The following HTR3D variants were observed in gnomAD, a reference collection of about 807,000 sequenced individuals.
HTR3D encodes the protein 5-hydroxytryptamine (serotonin) receptor 3 family member D.
A neutral mutation model predicts 45.8 loss-of-function variants in HTR3D; 47 were observed. The observed-to-expected ratio is 1.03, with a 90% confidence interval of 0.81 to 1.31. HTR3D has a LOEUF of 1.31. Ranked by LOEUF, HTR3D falls within the 50% of genes most tolerant of loss-of-function variation. HTR3D has a pLI of 0.00. For synonymous variants in HTR3D, 203 were observed against 199.8 expected, an observed-to-expected ratio of 1.02 and a Z score of -0.13; for missense variants, 448 against 506.9, an observed-to-expected ratio of 0.88 and a Z score of 1.12.
Position 184,036,450 on chromosome 3 carries a change from TG to T in HTR3D, c.276del (p.Trp93GlyfsTer30), listed in dbSNP as rs1722893597. On this transcript the variant is annotated frameshift_variant, in exon 4 of 8. Coordinates refer to ENST00000428798, the MANE Select transcript of HTR3D (RefSeq NM_001145143.1). LOFTEE classifies it high-confidence loss of function. The part of the protein sequence containing the change: ...KATSNTISQC[G>X]WSASANWTPS... Reference sequence around the variant, plus strand: ...CCACATCAAACACAATAAGCCAATGTGGGTGGTCAGCATCTGCAAACTGGAC... The same window carrying T: ...CCACATCAAACACAATAAGCCAATGTGGTGGTCAGCATCTGCAAACTGGAC... 6.2e-7 allele frequency: 1 copy of T among 1,614,224 alleles called. No homozygotes were observed. The highest frequency in any genetic ancestry group is 8.5e-7 in the Non-Finnish European group (1 of 1,180,036).
At position 184,038,044 on chromosome 3, in the gene HTR3D, G is replaced by A. The variant is rs1722959048; in HGVS notation, c.540G>A (p.Arg180=). The change falls in exon 6 of 8, where the codon AGG becomes AGA. Residue 180 remains arginine (R), a synonymous_variant. Coordinates refer to ENST00000428798, the MANE Select transcript of HTR3D (RefSeq NM_001145143.1). This position sits in a 1 kb window ranked among gnomAD's most constrained non-coding sequence, Gnocchi z 4.5. ...AGGTGGCCATCAGGCGCAGGTGCAG[G>A]CCCAGCCCCTACGTGGTAAACTTTC... ...IFHVAIRRRC[R]PSPYVVNFLV... The A allele has an allele frequency of 6.2e-7, 1 of 1,614,118 alleles. No homozygotes were observed. Among genetic ancestry groups the A allele is most frequent in the Admixed American group, 1.7e-5 (1 of 60,012 alleles).
intron 1 of HTR3D, chr3:184,032,880 C>T: frequency 6.4e-7 from 1 of 1,552,024 alleles, no homozygotes; most frequent in Non-Finnish European, 8.7e-7. Context: ...CTCTCTCAGT[C>T]TCTGCTCACT....
At chr3:184,035,317 A>G in intron 2 of HTR3D, 95 bp downstream of exon 2, 1 of 1,019,120 alleles carries the variant, frequency 9.8e-7, no homozygotes, top group Non-Finnish European at 1.5e-6. Context: ...GTTAAAGCTG[A>G]GAATATCCAT....
chr3:184,035,422 G>A (rs1355485351), intron 2 of HTR3D, among the ~76,000 whole-genome samples, 200 bp downstream of exon 2: 1 of 152,220 alleles, frequency 6.6e-6, no homozygotes, highest in African/African-American at 2.4e-5. Context: ...ACAGGGAGAA[G>A]GTGGTATACA....
At position 184,038,434 on chromosome 3, in the gene HTR3D, C is replaced by T. The variant is rs1367373998; in HGVS notation, c.795C>T (p.Ser265=). 2 of 1,614,018 alleles carry T rather than the reference C, an allele frequency of 1.2e-6. No individual in the cohort carries two copies. The highest frequency in any genetic ancestry group is 1.7e-6 in the Non-Finnish European group (2 of 1,180,024). ...KRGVYFALCL[S]LMVGSLLETI... is the part of the protein sequence containing the mutation. ...GTGTCTACTTCGCCCTGTGCCTGTC[C>T]CTGATGGTGGGCAGCCTGCTGGAGA... is the stretch of plus-strand genomic sequence containing the variant. The change falls in exon 7 of 8, where the codon TCC becomes TCT. Residue 265 remains serine, a synonymous_variant. Transcript: ENST00000428798. This position sits in a 1 kb window ranked among gnomAD's most constrained non-coding sequence, Gnocchi z 4.5.
chr3:184,035,908 G>A (rs977441103), intron 2 of HTR3D, 107 bp from the exon 3 acceptor site: 22 of 1,121,416 alleles, frequency 2.0e-5, no homozygotes, highest in Non-Finnish European at 2.4e-5. Flanking sequence ...AGCTAGGCTG[G>A]TCCTGAACTC....
At position 184,031,813 on chromosome 3, in the gene HTR3D, TTAAGA is replaced by T; in HGVS notation, c.66+12_66+16del. 2 of 1,548,650 alleles carry T rather than the reference TTAAGA, an allele frequency of 1.3e-6. No homozygotes were observed. The highest frequency in any genetic ancestry group is 1.7e-6 in the Non-Finnish European group (2 of 1,144,372). On this transcript the variant is annotated splice_region_variant and intron_variant, in intron 1 of 7. Transcript: ENST00000428798. ...TCCTCCACCTGCTGCTGCAAGTACC[TTAAGA>T]TAAGAGCAAGAGCTGAGCAGACATG...
chr3:184,038,289 G>A lies in HTR3D; in HGVS notation c.769+16G>A. ...CAAAAGCGAGGTGTGTGTTGGATGG[G>A]GAGAGGGATGGGCAGAACCAGGCGA... On this transcript the variant is annotated intron_variant, in intron 6 of 7. Transcript: ENST00000428798. This position sits in a 1 kb window ranked among gnomAD's most constrained non-coding sequence, Gnocchi z 4.5. The A allele has an allele frequency of 6.2e-7, 1 of 1,613,318 alleles. No homozygotes were observed. Among genetic ancestry groups the A allele is most frequent in the Non-Finnish European group, 8.5e-7 (1 of 1,179,344 alleles).
intron 1 of HTR3D, among the ~76,000 whole-genome samples, chr3:184,032,067 C>T (rs1433747290): frequency 6.6e-6 from 1 of 150,430 alleles, no homozygotes; most frequent in Non-Finnish European, 1.5e-5. Context: ...ATATCTCAGC[C>T]CATTGCAACC....
At chr3:184,032,812 T>C (rs1722785206) in intron 1 of HTR3D, 4 of 1,524,152 alleles carry the variant, frequency 2.6e-6, no homozygotes, top group Non-Finnish European at 2.7e-6. Context: ...CTTCTCCCAG[T>C]GCCCCCTGTT....
intron 3 of HTR3D, 126 bp downstream of exon 3, chr3:184,036,226 C>A (rs1722883614): frequency 7.4e-6 from 11 of 1,482,508 alleles, no homozygotes; most frequent in African/African-American, 1.4e-5. Flanking sequence ...AGCTTACAAA[C>A]CCCCAGAATA....
At chr3:184,036,927 C>A in intron 5 of HTR3D, 31 bp downstream of exon 5, 1 of 1,545,522 alleles carries the variant, frequency 6.5e-7, no homozygotes. Context: ...AAGGTTTCAC[C>A]ATGTTGGCCA....
At position 184,038,040 on chromosome 3, in the gene HTR3D, G is replaced by A. The variant is rs1444075845; in HGVS notation, c.536G>A (p.Cys179Tyr). ...AIFHVAIRRR[C>Y]RPSPYVVNFL... ...CACCAGGTGGCCATCAGGCGCAGGT[G>A]CAGGCCCAGCCCCTACGTGGTAAAC... is the stretch of plus-strand genomic sequence containing the variant. The change falls in exon 6 of 8, where the codon TGC becomes TAC. Residue 179 changes from cysteine to tyrosine, a missense_variant. Transcript: ENST00000428798. This position sits in a 1 kb window ranked among gnomAD's most constrained non-coding sequence, Gnocchi z 4.5. 1 of 1,614,116 alleles carries A rather than the reference G, an allele frequency of 6.2e-7. No individual in the cohort carries two copies. The highest frequency in any genetic ancestry group is 8.5e-7 in the Non-Finnish European group (1 of 1,180,004).
chr3:184,033,088 T>C, intron 1 of HTR3D: 1 of 1,498,894 alleles, frequency 6.7e-7, no homozygotes, highest in Non-Finnish European at 9.1e-7. Flanking sequence ...ATTGCAGTGG[T>C]CTAGTGGTGA....
Position 184,038,223 on chromosome 3 carries a change from C to A in HTR3D, c.719C>A (p.Ser240Ter), listed in dbSNP as rs1248973372. ...GACTTGCTCCCAGCCACTAGCACTT[C>A]ATCACATGCTTCACTAGTACGTCCT... ...MNDLLPATST[S>*]SHASLVRPHP... is the part of the protein sequence containing the mutation. Residue 240 changes from serine to a stop codon, truncating the protein, a stop_gained, in exon 6 of 8, where the codon TCA (serine) becomes TAA (stop). Coordinates refer to ENST00000428798, the MANE Select transcript of HTR3D (RefSeq NM_001145143.1). LOFTEE classifies it high-confidence loss of function. This position sits in a 1 kb window ranked among gnomAD's most constrained non-coding sequence, Gnocchi z 4.5. 1 of 1,614,084 alleles carries A rather than the reference C, an allele frequency of 6.2e-7. No individual in the cohort carries two copies. Among genetic ancestry groups the A allele is most frequent in the African/African-American group, 1.3e-5 (1 of 74,944 alleles).
chr3:184,038,065 C>T lies in HTR3D; in HGVS notation c.561C>T (p.Asn187=). ...GCAGGCCCAGCCCCTACGTGGTAAA[C>T]TTTCTGGTGCCCAGTGGCATTCTGA... ...RRCRPSPYVV[N]FLVPSGILIA... Residue 187 remains asparagine, a synonymous_variant, in exon 6 of 8, where the codon AAC becomes AAT. Coordinates refer to ENST00000428798, the MANE Select transcript of HTR3D (RefSeq NM_001145143.1). This position sits in a 1 kb window ranked among gnomAD's most constrained non-coding sequence, Gnocchi z 4.5. 6.2e-7 allele frequency: 1 copy of T among 1,614,198 alleles called. No homozygotes were observed. Among genetic ancestry groups the T allele is most frequent in the Non-Finnish European group, 8.5e-7 (1 of 1,180,034 alleles).
chr3:184,034,884 G>A (rs758751797), intron 1 of HTR3D, among the ~76,000 whole-genome samples: 64 of 152,158 alleles, frequency 4.2e-4, no homozygotes, highest in Admixed American at 6.5e-4. Flanking sequence ...TGCATTCGGC[G>A]GGGGTGAGGA....
At position 184,036,081 on chromosome 3, in the gene HTR3D, G is replaced by A; in HGVS notation, c.178G>A (p.Asp60Asn). ...GGCAACTGAGAACCTATGGCTTTCA[G>A]ATGTCTTCATCGAGGAGTCGTGAGT... The part of the protein sequence containing the change: ...GMATENLWLS[D>N]VFIEESVDQT... The change falls in exon 3 of 8, where the codon GAT (aspartate) becomes AAT (asparagine). Residue 60 changes from aspartate to asparagine, a missense_variant. Coordinates refer to ENST00000428798, the MANE Select transcript of HTR3D (RefSeq NM_001145143.1). 2.6e-6 allele frequency: 4 copies of A among 1,551,418 alleles called. No homozygotes were observed. The South Asian group carries it at 4.8e-5, about 18-fold the overall frequency.
Position 184,039,155 on chromosome 3 carries a change from C to A in HTR3D, c.*180C>A. ...ATGCCCTCCAAAAGTCGGGTCCTTG[C>A]TCCTGCATGCCATCAGCCCCACTCA... On this transcript the variant is annotated 3_prime_UTR_variant, in exon 8 of 8. Coordinates refer to ENST00000428798, the MANE Select transcript of HTR3D (RefSeq NM_001145143.1). The A allele has an allele frequency of 1.5e-6, 1 of 648,976 alleles. No individual in the cohort carries two copies. Among genetic ancestry groups the A allele is most frequent in the Non-Finnish European group, 2.6e-6 (1 of 384,242 alleles). 40.2% of individuals were successfully genotyped at this position (648,976 alleles called of 1,614,324 possible). A position where few individuals can be genotyped will look rare whatever the true frequency, so the allele number is the denominator to read the frequency against.
Sources: allele counts gnomAD v4.1 joint callset (sites outside exome capture counted in the v4.1 genomes callset), GRCh38; gene constraint gnomAD v4.1.1; non-coding constraint Gnocchi (gnomAD v3.1); transcripts MANE v1.5; gene names NCBI Gene and HGNC (gene_info 2026-07-23, HGNC 2026-07-21).